Variants in PSMC1 observed in about 807,000 individuals in gnomAD.
PSMC1 encodes the protein proteasome 26S subunit, ATPase 1, also known as 26S proteasome regulatory subunit 4.
A neutral mutation model predicts 49.8 loss-of-function variants in PSMC1; 5 were observed. The ratio of observed to expected loss-of-function variants is 0.10; its 90% CI spans 0.05 to 0.21. The LOEUF is 0.21. PSMC1 is among the 10% of genes least tolerant of loss of function. PSMC1 has a pLI of 1.00. For missense variants in PSMC1, 181 were observed against 535.7 expected, an observed-to-expected ratio of 0.34 and a Z score of 6.54; for synonymous variants, 155 against 192.1, an observed-to-expected ratio of 0.81 and a Z score of 1.60.
chr14:90,274,091 T>C lies in PSMC1; in HGVS notation c.*1684T>C, dbSNP rs936301206. ...GCCACTCTGCCTACCACAGAGGACA[T>C]CCACACGTGGGGGTGGCCCAGTGCA... On this transcript the variant is annotated 3_prime_UTR_variant, in exon 11 of 11. Transcript: ENST00000261303. The C allele has an allele frequency of 6.5e-6, 1 of 154,680 alleles. No homozygotes were observed. The highest frequency in any genetic ancestry group is 1.5e-5 in the Non-Finnish European group (1 of 68,334). The allele number at this position is 154,680 out of a possible 1,614,324, so 9.6% of individuals were successfully genotyped here.
chr14:90,264,215 G>A lies in PSMC1; in HGVS notation c.594+46G>A, dbSNP rs367682186. On this transcript the variant is annotated intron_variant, in intron 6 of 10. Transcript: ENST00000261303. Reference sequence around the variant, plus strand: ...TCTCTGGGTTTCAGTTTTGGTTTCTGTTGTCCCATTTAGGATACTTTGCAG... The same window carrying A: ...TCTCTGGGTTTCAGTTTTGGTTTCTATTGTCCCATTTAGGATACTTTGCAG... 1.1e-5 allele frequency: 18 copies of A among 1,606,454 alleles called. No homozygotes were observed. The South Asian group carries it at 1.9e-4, about 17-fold the overall frequency.
intron 7 of PSMC1, among the ~76,000 whole-genome samples, chr14:90,265,704 AAAAG>A (rs1321807295): frequency 4.0e-5 from 6 of 151,252 alleles, no homozygotes; most frequent in African/African-American, 1.5e-4. Context: ...AAAAAAAAAA[AAAAG>A]ATTAGGTGGG....
intron 2 of PSMC1, among the ~76,000 whole-genome samples, chr14:90,259,807 A>G (rs1321262226): frequency 1.3e-5 from 2 of 152,092 alleles, no homozygotes; most frequent in Non-Finnish European, 2.9e-5. Context: ...TTTTTAGTAG[A>G]GATGGAGTTT....
rs1374244227 is a variant in PSMC1 at position 90,274,834 on chromosome 14, A to ACCCCCC, written c.*2428_*2429insCCCCCC. 1 of 54,332 alleles carries ACCCCCC rather than the reference A, an allele frequency of 1.8e-5. No individual in the cohort carries two copies. The highest frequency in any genetic ancestry group is 4.9e-4 in the South Asian group (1 of 2,060). The allele number at this position is 54,332 out of a possible 1,614,324, so 3.4% of individuals were successfully genotyped here. ...CACACACACACACACACACACACAC[A>ACCCCCC]CACACCCCAATACATATGAATTGAT... On this transcript the variant is annotated 3_prime_UTR_variant, in exon 11 of 11. Coordinates refer to ENST00000261303, the MANE Select transcript of PSMC1 (RefSeq NM_002802.3).
chr14:90,257,024 T>G (rs1296282554), intron 1 of PSMC1, among the ~76,000 whole-genome samples: 1 of 151,996 alleles, frequency 6.6e-6, no homozygotes, highest in Non-Finnish European at 1.5e-5. Flanking sequence ...TCATTCCACC[T>G]GAGGAGTTGA....
chr14:90,269,412 T>C lies in PSMC1; in HGVS notation c.897T>C (p.Ser299=). The C allele has an allele frequency of 5.0e-6, 8 of 1,608,228 alleles. No homozygotes were observed. The African/African-American group carries it at 5.4e-5, about 11-fold the overall frequency. ...TTTTCCAAAGATATGACTCCAATTC[T>C]GGTGGTGAGAGAGAAATTCAGCGAA... The part of the protein sequence containing the change: ...AIGTKRYDSN[S]GGEREIQRTM... Residue 299 remains serine, a synonymous_variant, in exon 9 of 11, where the codon TCT becomes TCC. Transcript: ENST00000261303.
chr14:90,264,281 C>T (rs1891462114), intron 6 of PSMC1, 112 bp downstream of exon 6: 3 of 1,442,796 alleles, frequency 2.1e-6, no homozygotes, highest in Non-Finnish European at 2.8e-6. Context: ...AAACCAGTAG[C>T]TGAGTCAGAG....
chr14:90,263,034 G>T (rs184473266), intron 3 of PSMC1, among the ~76,000 whole-genome samples: 38 of 152,234 alleles, frequency 2.5e-4, no homozygotes, highest in African/African-American at 9.2e-4. Context: ...GTATCTGATG[G>T]GTCAGTAGCT....
chr14:90,268,329 T>A lies in PSMC1; in HGVS notation c.797T>A (p.Leu266His). The A allele has an allele frequency of 6.2e-7, 1 of 1,613,570 alleles. No homozygotes were observed. ...AAGTACCTAGGTGATGGGCCCAAAC[T>A]CGTACGGGAATTGTTCCGAGTTGCT... ...IQKYLGDGPK[L>H]VRELFRVAEE... Residue 266 changes from leucine to histidine, a missense_variant, in exon 8 of 11, where the codon CTC becomes CAC. Physicochemically the swap from Leu to His is moderately conservative, Grantham distance 99. This residue lies in a region of PSMC1 where 121 missense variants were observed against 358.6 expected (regional missense o/e 0.34). Transcript: ENST00000261303.
At chr14:90,266,630 G>A (rs146881223) in intron 7 of PSMC1, among the ~76,000 whole-genome samples, 4 of 152,350 alleles carry the variant, frequency 2.6e-5, no homozygotes, top group South Asian at 4.1e-4. Context: ...TAGTACTAAA[G>A]GGGCTGCGGT....
Position 90,265,053 on chromosome 14 carries a change from C to A in PSMC1, c.595-17C>A, listed in dbSNP as rs1022970186. On this transcript the variant is annotated splice_polypyrimidine_tract_variant and intron_variant, in intron 6 of 10. Coordinates refer to ENST00000261303, the MANE Select transcript of PSMC1 (RefSeq NM_002802.3). ...AATAATTTCAGTAAAGCCTTTCATT[C>A]ATACTGTTTTTCATAGGAATCTGTG... 12 of 1,559,240 alleles carry A rather than the reference C, an allele frequency of 7.7e-6. No homozygotes were observed. Among genetic ancestry groups the A allele is most frequent in the Non-Finnish European group, 1.1e-5 (12 of 1,132,364 alleles).
chr14:90,274,060 A>AG lies in PSMC1; in HGVS notation c.*1657dup, dbSNP rs1891736080. On this transcript the variant is annotated 3_prime_UTR_variant, in exon 11 of 11. Transcript: ENST00000261303. ...CAGGGCTTAGGGTGTGGCCATCTTT[A>AG]GGGGCGCCACTCTGCCTACCACAGA... 1.3e-5 allele frequency: 2 copies of AG among 154,780 alleles called. No individual in the cohort carries two copies. Among genetic ancestry groups the AG allele is most frequent in the Admixed American group, 1.3e-4 (2 of 15,290 alleles). 9.6% of individuals were successfully genotyped at this position (154,780 alleles called of 1,614,324 possible).
intron 1 of PSMC1, 61 bp downstream of exon 1, chr14:90,256,661 G>A (rs1891299616): frequency 1.3e-6 from 2 of 1,562,204 alleles, no homozygotes; most frequent in Non-Finnish European, 1.7e-6. Flanking sequence ...TCAGCAGCCT[G>A]AGGCGAGAGA....
intron 7 of PSMC1, among the ~76,000 whole-genome samples, chr14:90,266,925 A>AAAGTCTTC (rs995315109): frequency 2.0e-5 from 3 of 152,082 alleles, no homozygotes; most frequent in Non-Finnish European, 4.4e-5. Flanking sequence ...CCATTTCTGG[A>AAAGTCTTC]AAGTCTTCCC....
chr14:90,258,111 A>G (rs1891330712), intron 1 of PSMC1, among the ~76,000 whole-genome samples: 1 of 152,210 alleles, frequency 6.6e-6, no homozygotes, highest in African/African-American at 2.4e-5. Flanking sequence ...GGCATTCAGC[A>G]AACCTGAATG....
In PSMC1 at chr14:90,274,838, A is replaced by C. The variant is rs8007882; in HGVS notation, c.*2431A>C. 9,648 of 66,902 alleles carry C rather than the reference A, an allele frequency of 0.14. 554 individuals are homozygous for C. The highest frequency in any genetic ancestry group is 0.42 in the East Asian group (1,235 of 2,934). The allele number at this position is 66,902 out of a possible 1,614,324, so 4.1% of individuals were successfully genotyped here. A position where few individuals can be genotyped will look rare whatever the true frequency, so the allele number is the denominator to read the frequency against. ...CACACACACACACACACACACACAC[A>C]CCCCAATACATATGAATTGATCTGA... On this transcript the variant is annotated 3_prime_UTR_variant, in exon 11 of 11. Coordinates refer to ENST00000261303, the MANE Select transcript of PSMC1 (RefSeq NM_002802.3).
rs1342484370 is a variant in PSMC1, at chr14:90,272,094, G to A, written c.1189-179G>A. The A allele has an allele frequency of 1.9e-5, 9 of 485,596 alleles. No individual in the cohort carries two copies. Among genetic ancestry groups the A allele is most frequent in the East Asian group, 5.0e-5 (1 of 20,174 alleles). The allele number at this position is 485,596 out of a possible 1,614,324, so 30.1% of individuals were successfully genotyped here. A position where few individuals can be genotyped will look rare whatever the true frequency, so the allele number is the denominator to read the frequency against. ...TTTTTAGTAGAGATGGGGTTTCACC[G>A]TGTTGGCCAGGCTGGTCTTGAACTC... On this transcript the variant is annotated intron_variant, in intron 10 of 10. Transcript: ENST00000261303. The surrounding 1 kb of genome is among the most constrained non-coding windows in gnomAD (Gnocchi z 4.5).
intron 7 of PSMC1, among the ~76,000 whole-genome samples, chr14:90,267,094 T>A (rs551780714): frequency 6.6e-6 from 1 of 151,778 alleles, no homozygotes; most frequent in African/African-American, 2.4e-5. Context: ...TCAAAAATTC[T>A]CAAGTTGGGC....
rs1041592128 is a variant in PSMC1, at chr14:90,272,259, C to T, written c.1189-14C>T. Reference sequence around the variant, plus strand: ...GAGTATGTCACTTTCTGAACACACTCTTCTTTCTTACAGGCAATCTGTACA... The same window carrying T: ...GAGTATGTCACTTTCTGAACACACTTTTCTTTCTTACAGGCAATCTGTACA... On this transcript the variant is annotated splice_polypyrimidine_tract_variant and intron_variant, in intron 10 of 10. Transcript: ENST00000261303. This position sits in a 1 kb window ranked among gnomAD's most constrained non-coding sequence, Gnocchi z 4.5. 4 of 1,601,546 alleles carry T rather than the reference C, an allele frequency of 2.5e-6. No individual in the cohort carries two copies. Among genetic ancestry groups the T allele is most frequent in the South Asian group, 2.3e-5 (2 of 88,530 alleles).
Sources: gnomAD v4.1 joint callset for allele counts (sites outside exome capture counted in the v4.1 genomes callset) on GRCh38, gnomAD v4.1.1 for gene constraint, gnomAD v4.1.1 regional missense constraint, Gnocchi (gnomAD v3.1) non-coding constraint, MANE v1.5 for transcripts, NCBI Gene and HGNC (gene_info 2026-07-23, HGNC 2026-07-21) for gene names.